EFCAB13: variants seen among roughly 807,000 people sequenced by gnomAD.
The protein encoded by EFCAB13 is EF-hand calcium binding domain 13, also known as EF-hand calcium-binding domain-containing protein 13.
Under a neutral mutation model 110.2 loss-of-function variants are expected in EFCAB13, and 91 were observed. The observed-to-expected ratio is 0.83, with a 90% confidence interval of 0.70 to 0.98. The LOEUF is 0.98. EFCAB13 is among the 50% of genes least tolerant of loss of function. The pLI is 0.00. For missense variants in EFCAB13, 968 were observed against 1,119.4 expected, an observed-to-expected ratio of 0.86 and a Z score of 1.93; for synonymous variants, 323 against 369.9, an observed-to-expected ratio of 0.87 and a Z score of 1.45.
chr17:47,430,280 CT>C, intron 24 of EFCAB13: 1 of 993,468 alleles, frequency 1.0e-6, no homozygotes, highest in Non-Finnish European at 1.2e-6. Flanking sequence ...CCTGGAGGCC[CT>C]TTTGGTTTTT....
At chr17:47,371,617 G>T (rs933661326) in intron 11 of EFCAB13, among the ~76,000 whole-genome samples, 8 of 151,962 alleles carry the variant, frequency 5.3e-5, no homozygotes, top group Non-Finnish European at 1.2e-4. Context: ...ATTGCTCTCT[G>T]TGTCCATTTT....
At chr17:47,338,171 C>T (rs1327989739) in intron 5 of EFCAB13, among the ~76,000 whole-genome samples, 1 of 151,398 alleles carries the variant, frequency 6.6e-6, no homozygotes, top group Non-Finnish European at 1.5e-5. Context: ...GGATATAAAG[C>T]ACCAGTAAAC....
chr17:47,373,507 C>A (rs2065597208), intron 11 of EFCAB13, among the ~76,000 whole-genome samples: 1 of 151,984 alleles, frequency 6.6e-6, no homozygotes, highest in African/African-American at 2.4e-5. Flanking sequence ...TTTCATGTTT[C>A]TTGTTGCCTT....
chr17:47,349,759 CTTTTTTTTTTTTTTT>C (rs1162133822), intron 9 of EFCAB13, among the ~76,000 whole-genome samples: 12 of 76,144 alleles, frequency 1.6e-4, no homozygotes, highest in African/African-American at 6.7e-4. Context: ...GCTGATGTTT[CTTTTTTTTTTTTTTT>C]TTTTTTTTTT....
intron 21 of EFCAB13, among the ~76,000 whole-genome samples, chr17:47,410,820 C>T (rs530626484): frequency 6.6e-6 from 1 of 152,306 alleles, no homozygotes; most frequent in East Asian, 1.9e-4. Context: ...TCTTTTGACT[C>T]CATGAGTCAA....
At chr17:47,351,300 TGTGTGCGC>T (rs1035833694) in intron 9 of EFCAB13, among the ~76,000 whole-genome samples, 19 of 110,698 alleles carry the variant, frequency 1.7e-4, no homozygotes, top group South Asian at 1.1e-3. Flanking sequence ...TGTGTGTGTG[TGTGTGCGC>T]GCGCGCGCGC....
intron 20 of EFCAB13, chr17:47,409,288 A>G (rs1346932682): frequency 1.0e-5 from 2 of 191,198 alleles, no homozygotes; most frequent in African/African-American, 4.7e-5. Context: ...GATAGTATAT[A>G]GGTAGGTAAG....
intron 4 of EFCAB13, chr17:47,329,814 T>C (rs1378698565): frequency 2.0e-5 from 3 of 152,164 alleles, no homozygotes; most frequent in African/African-American, 7.2e-5. Flanking sequence ...TTTGGGTCAT[T>C]TTTTTCAATC....
chr17:47,351,302 TGTGCGCGC>T (rs1351647984), intron 9 of EFCAB13, among the ~76,000 whole-genome samples: 13 of 101,692 alleles, frequency 1.3e-4, no homozygotes, highest in East Asian at 9.1e-4. Context: ...TGTGTGTGTG[TGTGCGCGC>T]GCGCGCGCGC....
rs183479492 is a variant in EFCAB13 at position 47,410,760 on chromosome 17, C to T, written c.2278+1069C>T. Among the ~76,000 whole-genome samples the T allele has an allele frequency of 4.6e-4, 70 of 152,070 alleles. 1 individual carries two copies. Among genetic ancestry groups the T allele is most frequent in the African/African-American group, 1.5e-3 (63 of 41,512 alleles). ...AGGGATAATTGGTCCCAAGTAAGTC[C>T]GAAACCAAAAAGGGAAAACAACATT... is the stretch of plus-strand genomic sequence containing the variant. On this transcript the variant is annotated intron_variant, in intron 21 of 24. Transcript: ENST00000331493.
intron 9 of EFCAB13, among the ~76,000 whole-genome samples, chr17:47,354,297 G>C (rs1051632291): frequency 1.3e-5 from 2 of 152,070 alleles, no homozygotes; most frequent in African/African-American, 2.4e-5. Flanking sequence ...CCTACCATAT[G>C]GTCTATCTTG....
At chr17:47,391,795 A>G (rs576669787) in intron 15 of EFCAB13, among the ~76,000 whole-genome samples, 2 of 152,090 alleles carry the variant, frequency 1.3e-5, no homozygotes, top group East Asian at 3.9e-4. Flanking sequence ...ATTAAAAAAA[A>G]ATTTTATTTA....
chr17:47,401,640 CTT>C lies in EFCAB13; in HGVS notation c.1946-471_1946-470del, dbSNP rs763737651. On this transcript the variant is annotated intron_variant, in intron 17 of 24. Coordinates refer to ENST00000331493, the MANE Select transcript of EFCAB13 (RefSeq NM_152347.5). The stretch of plus-strand genomic sequence containing the variant: ...GATTGAAATTGAGAACTCAGCCTGA[CTT>C]TTTTTTTTTTTTTTTTTTTTGAGAT... Among the ~76,000 whole-genome samples the C allele has an allele frequency of 2.8e-4, 24 of 84,522 alleles. No homozygotes were observed. In the East Asian group the frequency reaches 6.9e-3, roughly 24 times the overall value. The allele number at this position is 84,522 out of a possible 152,430, so 55.4% of individuals were successfully genotyped here.
chr17:47,429,754 G>A, intron 23 of EFCAB13, 64 bp from the exon 24 acceptor site: 4 of 1,481,548 alleles, frequency 2.7e-6, no homozygotes, highest in Non-Finnish European at 3.6e-6. Flanking sequence ...GCTATTAAGT[G>A]ATAACTAATA....
chr17:47,437,500 A>C (rs1308378230), intron 24 of EFCAB13, among the ~76,000 whole-genome samples: 1 of 152,168 alleles, frequency 6.6e-6, no homozygotes, highest in Non-Finnish European at 1.5e-5. Flanking sequence ...TAAGGCCTTT[A>C]GCATTGTATA....
At chr17:47,342,613 CTCTG>C (rs1288571805) in intron 6 of EFCAB13, among the ~76,000 whole-genome samples, 3 of 151,980 alleles carry the variant, frequency 2.0e-5, no homozygotes, top group South Asian at 4.1e-4. Context: ...CTTTTTTCCC[CTCTG>C]TCTTAGTATT....
At chr17:47,349,573 A>G (rs1203002019) in intron 9 of EFCAB13, among the ~76,000 whole-genome samples, 2 of 152,080 alleles carry the variant, frequency 1.3e-5, no homozygotes, top group Admixed American at 1.3e-4. Flanking sequence ...GTGTATAGAT[A>G]ATAGTATTCT....
chr17:47,438,008 T>A (rs910833945), intron 24 of EFCAB13, among the ~76,000 whole-genome samples: 62 of 152,318 alleles, frequency 4.1e-4, no homozygotes, highest in African/African-American at 1.5e-3. Flanking sequence ...TTCATTTGTC[T>A]GAATAAGACT....
chr17:47,372,222 T>C (rs1169041767), intron 11 of EFCAB13, among the ~76,000 whole-genome samples: 2 of 152,138 alleles, frequency 1.3e-5, no homozygotes, highest in African/African-American at 2.4e-5. Flanking sequence ...TTTTTTACTT[T>C]TTTATCTTTT....
Sources: allele counts gnomAD v4.1 joint callset (sites outside exome capture counted in the v4.1 genomes callset), GRCh38; gene constraint gnomAD v4.1.1; transcripts MANE v1.5; gene names NCBI Gene and HGNC (gene_info 2026-07-23, HGNC 2026-07-21).